GRM5: variants seen among roughly 807,000 people sequenced by gnomAD.
GRM5 encodes the protein glutamate metabotropic receptor 5.
GRM5 carries 19 observed loss-of-function variants against 83.1 expected under a neutral mutation model. That is an observed-to-expected ratio of 0.23 (90% confidence interval 0.16 to 0.34). The LOEUF is 0.34. Among genes scored for constraint, GRM5 ranks in the 10% least tolerant of loss-of-function variants. GRM5 has a pLI of 1.00. For synonymous variants in GRM5, 675 were observed against 633.6 expected, an observed-to-expected ratio of 1.07 and a Z score of -0.98; for missense variants, 1,160 against 1,588.3, an observed-to-expected ratio of 0.73 and a Z score of 4.58.
chr11:88,753,467 G>A (rs34096746), intron 3 of GRM5, among the ~76,000 whole-genome samples: 41,379 of 152,008 alleles, frequency 0.27, 6,814 homozygotes, highest in Non-Finnish European at 0.38. Context: ...TGGCGAGATC[G>A]TTGGTAGAAA....
At chr11:88,563,798 G>T (rs559485193) in intron 8 of GRM5, among the ~76,000 whole-genome samples, 1 of 152,162 alleles carries the variant, frequency 6.6e-6, no homozygotes, top group Non-Finnish European at 1.5e-5. Flanking sequence ...GCTGAAGTGC[G>T]GTGAACCATG....
At chr11:88,854,178 G>A (rs766166297) in intron 2 of GRM5, among the ~76,000 whole-genome samples, 5 of 150,982 alleles carry the variant, frequency 3.3e-5, no homozygotes, top group Non-Finnish European at 7.4e-5. Flanking sequence ...TTTTTGTACC[G>A]CTAATGGGAC....
chr11:88,692,869 T>A (rs767625303), intron 3 of GRM5, among the ~76,000 whole-genome samples: 25 of 151,850 alleles, frequency 1.6e-4, no homozygotes, highest in Non-Finnish European at 3.5e-4. Context: ...CTGCACAGGG[T>A]GGGTAATCAT....
chr11:89,052,241 G>C (rs1167664780), intron 1 of GRM5, among the ~76,000 whole-genome samples: 1 of 152,104 alleles, frequency 6.6e-6, no homozygotes, highest in East Asian at 1.9e-4. Flanking sequence ...TGCAAATTGA[G>C]GGTCATCAAT....
At chr11:89,063,485 C>G (rs1423499534) in intron 1 of GRM5, 1 of 152,578 alleles carries the variant, frequency 6.6e-6, no homozygotes, top group Non-Finnish European at 1.5e-5. Context: ...GCTTACCCCC[C>G]TGTTGGCTGC....
intron 9 of GRM5, chr11:88,524,194 C>A (rs1430636198): frequency 1.1e-5 from 1 of 91,270 alleles, no homozygotes; most frequent in Admixed American, 1.2e-4. Flanking sequence ...TTTTCTTTTT[C>A]TTTCTTTCTT....
chr11:89,029,410 G>A (rs1220696935), intron 2 of GRM5, among the ~76,000 whole-genome samples: 10 of 152,156 alleles, frequency 6.6e-5, no homozygotes, highest in Admixed American at 6.5e-5. Flanking sequence ...CATACTTAGT[G>A]AGAAGGTTGA....
chr11:88,700,289 C>T (rs1210363813), intron 3 of GRM5, among the ~76,000 whole-genome samples: 1 of 152,090 alleles, frequency 6.6e-6, no homozygotes, highest in Admixed American at 6.6e-5. Flanking sequence ...AGGTATCAAA[C>T]AACCATTTAA....
At chr11:88,578,648 G>T (rs566202326) in intron 7 of GRM5, among the ~76,000 whole-genome samples, 2 of 152,070 alleles carry the variant, frequency 1.3e-5, no homozygotes, top group Non-Finnish European at 2.9e-5. Flanking sequence ...AGTCAGTGGC[G>T]TTTACAAGTT....
intron 4 of GRM5, among the ~76,000 whole-genome samples, chr11:88,650,754 A>G (rs1025559539): frequency 4.6e-5 from 7 of 152,070 alleles, no homozygotes; most frequent in South Asian, 2.1e-4. Flanking sequence ...TGCAGATTTG[A>G]TGGTGATTTT....
At chr11:88,867,100 T>TTAC (rs1296814764) in intron 2 of GRM5, among the ~76,000 whole-genome samples, 5 of 152,158 alleles carry the variant, frequency 3.3e-5, no homozygotes, top group Admixed American at 2.0e-4. Flanking sequence ...GCTGTTTTGG[T>TTAC]TACTGTAGCC....
chr11:88,954,439 T>C (rs1287756635), intron 2 of GRM5, among the ~76,000 whole-genome samples: 1 of 152,144 alleles, frequency 6.6e-6, no homozygotes, highest in African/African-American at 2.4e-5. Context: ...TCTTATCACA[T>C]GTTGTATAAA....
At chr11:88,705,056 C>A (rs1168697216) in intron 3 of GRM5, among the ~76,000 whole-genome samples, 2 of 152,070 alleles carry the variant, frequency 1.3e-5, no homozygotes, top group Non-Finnish European at 2.9e-5. Context: ...AGGTTCTAAT[C>A]TTGTTACAAG....
rs1942054425 is a variant in GRM5, at chr11:88,533,146, A to C, written c.2631-7742T>G. Among the ~76,000 whole-genome samples, 3 of 152,062 alleles carry C rather than the reference A, an allele frequency of 2.0e-5. No homozygotes were observed. In the South Asian group the frequency reaches 6.3e-4, roughly 32 times the overall value. ...CTGTTAGTTACCCATTTCTCTGAGT[A>C]AATTATGAAATTTTTTATCATGGTT... On this transcript the variant is annotated intron_variant, in intron 8 of 9. Coordinates refer to ENST00000305447, the MANE Select transcript of GRM5 (RefSeq NM_001143831.3).
chr11:88,774,260 A>G (rs1942801385), intron 3 of GRM5, among the ~76,000 whole-genome samples: 1 of 150,320 alleles, frequency 6.7e-6, no homozygotes, highest in East Asian at 2.0e-4. Context: ...GTTTGTCTTC[A>G]TGGTGTAGGG....
chr11:89,065,715 C>A (rs1179927822), intron 1 of GRM5, 61 bp downstream of exon 1: 2 of 152,302 alleles, frequency 1.3e-5, no homozygotes, highest in African/African-American at 2.4e-5. Flanking sequence ...GGAGGGGCTC[C>A]AGCGGTATCC....
chr11:88,849,685 C>T (rs2135539749), intron 3 of GRM5, among the ~76,000 whole-genome samples: 1 of 152,308 alleles, frequency 6.6e-6, no homozygotes. Context: ...AAAGATGCAT[C>T]ATCTTCATTT....
chr11:88,819,375 C>CAACTGAAA, intron 3 of GRM5, among the ~76,000 whole-genome samples: 1 of 152,284 alleles, frequency 6.6e-6, no homozygotes, highest in South Asian at 2.1e-4. Flanking sequence ...GAATATTTTT[C>CAACTGAAA]AGTTGCTATT....
At chr11:88,653,435 A>G in intron 3 of GRM5, 32 bp from the exon 4 acceptor site, 1 of 1,425,700 alleles carries the variant, frequency 7.0e-7, no homozygotes, top group Non-Finnish European at 9.9e-7. Context: ...CTCAGCTTAG[A>G]ACAGATATCT....
Sources: gnomAD v4.1 joint callset for allele counts (sites outside exome capture counted in the v4.1 genomes callset) on GRCh38, gnomAD v4.1.1 for gene constraint, MANE v1.5 for transcripts, NCBI Gene and HGNC (gene_info 2026-07-23, HGNC 2026-07-21) for gene names.